Variants in OPA1 observed in about 807,000 individuals in gnomAD.
OPA1 encodes OPA1 mitochondrial dynamin like GTPase, also known as dynamin-like GTPase OPA1, mitochondrial.
A neutral mutation model predicts 152.9 loss-of-function variants in OPA1; 59 were observed. The ratio of observed to expected loss-of-function variants is 0.39; its 90% CI spans 0.31 to 0.48. The LOEUF (loss-of-function observed/expected upper bound fraction) is 0.48. Ranked by LOEUF, OPA1 falls within the 20% of genes least tolerant of loss-of-function variation. OPA1 has a pLI of 0.96. For missense variants in OPA1, 1,008 were observed against 1,216.8 expected, an observed-to-expected ratio of 0.83 and a Z score of 2.55; for synonymous variants, 400 against 389.9, an observed-to-expected ratio of 1.03 and a Z score of -0.31.
intron 29 of OPA1, among the ~76,000 whole-genome samples, chr3:193,688,758 A>T (rs1323199730): frequency 6.6e-6 from 1 of 151,798 alleles, no homozygotes; most frequent in African/African-American, 2.4e-5. Flanking sequence ...AGTGGGGAGG[A>T]TTGCTTGAGG....
intron 26 of OPA1, among the ~76,000 whole-genome samples, chr3:193,663,320 T>C (rs1192193397): frequency 1.3e-5 from 2 of 152,138 alleles, no homozygotes; most frequent in Non-Finnish European, 2.9e-5. Flanking sequence ...CATATATATG[T>C]GTTTTTGTGT....
intron 25 of OPA1, among the ~76,000 whole-genome samples, chr3:193,659,876 T>C (rs1033446145): frequency 2.0e-5 from 3 of 152,142 alleles, no homozygotes; most frequent in African/African-American, 7.2e-5. Context: ...CCAGGCACGG[T>C]GTCTCATTCC....
intron 1 of OPA1, among the ~76,000 whole-genome samples, chr3:193,601,628 C>G (rs1013043520): frequency 6.6e-6 from 1 of 152,134 alleles, no homozygotes; most frequent in Non-Finnish European, 1.5e-5. Context: ...AAAAAGAGAC[C>G]CTACTGGATA....
chr3:193,679,043 C>T (rs1467848860), intron 29 of OPA1, among the ~76,000 whole-genome samples: 1 of 151,880 alleles, frequency 6.6e-6, no homozygotes, highest in Non-Finnish European at 1.5e-5. Flanking sequence ...GAAAACCAAA[C>T]ACCACATGTT....
In OPA1 at chr3:193,614,982, T is replaced by C; in HGVS notation, c.292T>C (p.Leu98=). ...FWPARLATRL[L]KLRYLILGSA... ...GCCAGCAAGATTAGCTACGAGACTC[T>C]TAAAACTTCGCTATCTCATACTAGG... Residue 98 remains leucine, a synonymous_variant, in exon 2 of 31, where the codon TTA becomes CTA. Transcript: ENST00000361510. 1 of 1,614,230 alleles carries C rather than the reference T, an allele frequency of 6.2e-7. No homozygotes were observed. The highest frequency in any genetic ancestry group is 8.5e-7 in the Non-Finnish European group (1 of 1,180,030).
chr3:193,679,007 A>T (rs1719668038), intron 29 of OPA1, among the ~76,000 whole-genome samples: 2 of 152,102 alleles, frequency 1.3e-5, no homozygotes, highest in African/African-American at 4.8e-5. Flanking sequence ...GCATGCATTC[A>T]GGACTAGAAA....
chr3:193,648,255 A>T (rs1318929911), intron 20 of OPA1, 121 bp downstream of exon 20: 1 of 703,028 alleles, frequency 1.4e-6, no homozygotes, highest in South Asian at 1.6e-5. Context: ...TATAACTACT[A>T]ATTTGTAAGA....
chr3:193,680,504 C>T (rs1719963332), intron 29 of OPA1, among the ~76,000 whole-genome samples: 1 of 152,210 alleles, frequency 6.6e-6, no homozygotes, highest in South Asian at 2.1e-4. Flanking sequence ...TGTCCATTCA[C>T]TTCCCATCTG....
At chr3:193,615,874 T>A (rs548800580) in intron 3 of OPA1, 104 bp downstream of exon 3, 1 of 767,794 alleles carries the variant, frequency 1.3e-6, no homozygotes, top group African/African-American at 1.7e-5. Context: ...TATCACGGTT[T>A]TATTTTAATG....
intron 29 of OPA1, among the ~76,000 whole-genome samples, chr3:193,685,771 C>T (rs1457024207): frequency 6.6e-6 from 1 of 150,696 alleles, no homozygotes; most frequent in Non-Finnish European, 1.5e-5. Flanking sequence ...AAGGAATAAA[C>T]AAAAAAAATT....
intron 29 of OPA1, among the ~76,000 whole-genome samples, chr3:193,673,880 T>C (rs1340029136): frequency 1.3e-5 from 2 of 152,340 alleles, no homozygotes; most frequent in African/African-American, 4.8e-5. Context: ...ATATCCTTAA[T>C]GTTAAAAGCA....
At chr3:193,685,129 A>G (rs1282586082) in intron 29 of OPA1, among the ~76,000 whole-genome samples, 1 of 151,964 alleles carries the variant, frequency 6.6e-6, no homozygotes, top group Non-Finnish European at 1.5e-5. Flanking sequence ...GTGAAACCCC[A>G]TCACTACTAA....
At position 193,649,474 on chromosome 3, in the gene OPA1, T is replaced by C. The variant is rs139460066; in HGVS notation, c.2012+603T>C. Among the ~76,000 whole-genome samples, 838 of 152,312 alleles carry C rather than the reference T, an allele frequency of 5.5e-3. 11 individuals carry two copies. Among genetic ancestry groups the C allele is most frequent in the African/African-American group, 0.019 (784 of 41,568 alleles). On this transcript the variant is annotated intron_variant, in intron 21 of 30. Transcript: ENST00000361510. ...CACGGTAAAACAAGCTATGTATAAA[T>C]AGCCTTGACATTTTTGTAGTCACAT...
chr3:193,612,145 T>G (rs1728345961), intron 1 of OPA1, among the ~76,000 whole-genome samples: 2 of 152,192 alleles, frequency 1.3e-5, no homozygotes, highest in African/African-American at 4.8e-5. Context: ...GACTTTTCCC[T>G]TGGACCAGGG....
rs75116447 is a variant in OPA1 at position 193,656,999 on chromosome 3, G to T, written c.2179-81G>T. 9,187 of 1,219,858 alleles carry T rather than the reference G, an allele frequency of 7.5e-3. 546 individuals carry two copies. In the African/African-American group the frequency reaches 0.12, roughly 16 times the overall value. The allele number at this position is 1,219,858 out of a possible 1,614,324, so 75.6% of individuals were successfully genotyped here. On this transcript the variant is annotated intron_variant, in intron 22 of 30. Coordinates refer to ENST00000361510, the MANE Select transcript of OPA1 (RefSeq NM_130837.3). ...CTGATTTATTTATCACATCTGTTTG[G>T]CTTGAGCTCGTGTTATTTTTCATGT...
intron 29 of OPA1, among the ~76,000 whole-genome samples, chr3:193,678,479 G>T (rs1466713513): frequency 4.6e-5 from 7 of 152,070 alleles, no homozygotes; most frequent in Non-Finnish European, 1.0e-4. Context: ...ATAATTTCTG[G>T]AACACATTTT....
At chr3:193,596,519 C>CACTGTACATGCACT (rs780030752) in intron 1 of OPA1, among the ~76,000 whole-genome samples, 1 of 151,650 alleles carries the variant, frequency 6.6e-6, no homozygotes, top group Non-Finnish European at 1.5e-5. Flanking sequence ...GGATTACAGG[C>CACTGTACATGCACT]GTGCGCCACT....
intron 24 of OPA1, 37 bp from the exon 25 acceptor site, chr3:193,659,445 G>A: frequency 2.0e-6 from 3 of 1,480,088 alleles, no homozygotes; most frequent in Non-Finnish European, 2.8e-6. Flanking sequence ...GTGTGTGTAA[G>A]TGATAAAATT....
chr3:193,602,811 C>T (rs1471518784), intron 1 of OPA1, among the ~76,000 whole-genome samples: 2 of 152,210 alleles, frequency 1.3e-5, no homozygotes, highest in African/African-American at 4.8e-5. Flanking sequence ...GTTCCTCTAT[C>T]ACTGGAGACT....
Sources: gnomAD v4.1 joint callset for allele counts (sites outside exome capture counted in the v4.1 genomes callset) on GRCh38, gnomAD v4.1.1 for gene constraint, MANE v1.5 for transcripts, NCBI Gene and HGNC (gene_info 2026-07-23, HGNC 2026-07-21) for gene names.